Variants in ZNF804B observed in about 807,000 individuals in gnomAD.
ZNF804B encodes zinc finger 804B.
Under a neutral mutation model 101.4 loss-of-function variants are expected in ZNF804B, and 80 were observed. That is an observed-to-expected ratio of 0.79 (90% confidence interval 0.66 to 0.95). The LOEUF is 0.95. Among genes scored for constraint, ZNF804B ranks in the 40% least tolerant of loss-of-function variants. The pLI is 0.00. For missense variants in ZNF804B, 1,673 were observed against 1,561.9 expected (o/e 1.07, Z -1.20); for synonymous variants, 622 against 558.8 (o/e 1.11, Z -1.59).
intron 1 of ZNF804B, among the ~76,000 whole-genome samples, chr7:89,138,833 C>T (rs1438306430): frequency 1.3e-5 from 2 of 152,070 alleles, no homozygotes; most frequent in Non-Finnish European, 2.9e-5. Flanking sequence ...TGCTGCCATT[C>T]ATGTGAGACA....
intron 1 of ZNF804B, among the ~76,000 whole-genome samples, chr7:88,817,060 T>C (rs1262531065): frequency 6.6e-5 from 10 of 151,956 alleles, no homozygotes; most frequent in Non-Finnish European, 1.3e-4. Flanking sequence ...CCATAAAAAA[T>C]GATGAGTTCA....
intron 2 of ZNF804B, among the ~76,000 whole-genome samples, chr7:89,261,911 T>A (rs1422126258): frequency 1.3e-5 from 2 of 152,208 alleles, no homozygotes; most frequent in African/African-American, 4.8e-5. Flanking sequence ...TATAGCTTAG[T>A]CATTTGAATC....
chr7:89,326,551 TTAAA>T (rs1346969661), intron 2 of ZNF804B, among the ~76,000 whole-genome samples: 1 of 152,080 alleles, frequency 6.6e-6, no homozygotes, highest in African/African-American at 2.4e-5. Context: ...AGGATAATCT[TTAAA>T]TACACTTCCA....
intron 1 of ZNF804B, among the ~76,000 whole-genome samples, chr7:88,959,386 C>T (rs755684227): frequency 2.6e-5 from 4 of 151,254 alleles, no homozygotes; most frequent in Non-Finnish European, 5.9e-5. Flanking sequence ...TTAACTAGCT[C>T]CAAGACATTA....
At chr7:88,787,108 A>G (rs890108773) in intron 1 of ZNF804B, among the ~76,000 whole-genome samples, 2 of 152,152 alleles carry the variant, frequency 1.3e-5, no homozygotes, top group Non-Finnish European at 2.9e-5. Flanking sequence ...GATAGAAGCA[A>G]AGAGCATGGA....
At chr7:89,041,862 A>G (rs1789021854) in intron 1 of ZNF804B, among the ~76,000 whole-genome samples, 1 of 152,130 alleles carries the variant, frequency 6.6e-6, no homozygotes, top group Non-Finnish European at 1.5e-5. Context: ...TTGTGAAGGT[A>G]TTTTTATCCA....
intron 2 of ZNF804B, among the ~76,000 whole-genome samples, chr7:89,318,638 C>G (rs1790766142): frequency 6.6e-6 from 1 of 152,182 alleles, no homozygotes; most frequent in African/African-American, 2.4e-5. Context: ...TGGCGAGCAC[C>G]TGTAATCCCA....
intron 1 of ZNF804B, among the ~76,000 whole-genome samples, chr7:89,204,393 C>T (rs748168134): frequency 6.6e-6 from 1 of 152,156 alleles, no homozygotes; most frequent in Non-Finnish European, 1.5e-5. Flanking sequence ...ATAAATGGAA[C>T]AGCATTGTGA....
chr7:88,824,495 A>G (rs1791027550), intron 1 of ZNF804B, among the ~76,000 whole-genome samples: 1 of 152,174 alleles, frequency 6.6e-6, no homozygotes, highest in African/African-American at 2.4e-5. Flanking sequence ...TTTGTGAGTT[A>G]TCCAGTCTCA....
chr7:88,888,099 T>A (rs1243527836), intron 1 of ZNF804B, among the ~76,000 whole-genome samples: 3 of 152,084 alleles, frequency 2.0e-5, no homozygotes, highest in Admixed American at 6.6e-5. Context: ...ATTTTAAAAA[T>A]TTAGTTTTAT....
rs201937707 is a variant in ZNF804B, at chr7:88,886,842, A to G, written c.108+126758A>G. On this transcript the variant is annotated intron_variant, in intron 1 of 3. Transcript: ENST00000333190. ...TCAAAACATTTTTCATATCTAGTAT[A>G]TTGTAATTGCTTATAGTTGTTCTTT... Among the ~76,000 whole-genome samples the G allele has an allele frequency of 1.2e-3, 188 of 150,804 alleles. 3 individuals carry two copies. Among genetic ancestry groups the G allele is most frequent in the Middle Eastern group, 6.9e-3 (2 of 290 alleles).
At chr7:89,255,116 C>G (rs1168853028) in intron 2 of ZNF804B, among the ~76,000 whole-genome samples, 1 of 152,178 alleles carries the variant, frequency 6.6e-6, no homozygotes, top group Non-Finnish European at 1.5e-5. Flanking sequence ...AGGAAACTTA[C>G]AGTCATGGAG....
chr7:88,840,120 A>G (rs1171845245), intron 1 of ZNF804B, among the ~76,000 whole-genome samples: 1 of 152,124 alleles, frequency 6.6e-6, no homozygotes, highest in Non-Finnish European at 1.5e-5. Flanking sequence ...ATTTTAGGAG[A>G]AAAATGTTCC....
intron 2 of ZNF804B, among the ~76,000 whole-genome samples, chr7:89,324,357 T>C (rs1790866295): frequency 6.6e-6 from 1 of 151,912 alleles, no homozygotes; most frequent in South Asian, 2.1e-4. Flanking sequence ...CCCCTAGCTT[T>C]CTTTTGACAA....
intron 1 of ZNF804B, among the ~76,000 whole-genome samples, chr7:88,971,895 T>G (rs2116113319): frequency 6.6e-6 from 1 of 151,648 alleles, no homozygotes; most frequent in African/African-American, 2.4e-5. Flanking sequence ...TGGAAGAGAT[T>G]AAGTAGGACT....
chr7:89,062,349 T>G (rs1789393616), intron 1 of ZNF804B, among the ~76,000 whole-genome samples: 3 of 151,996 alleles, frequency 2.0e-5, no homozygotes, highest in Admixed American at 1.3e-4. Context: ...GTTAACTCCC[T>G]TCACACCCCA....
chr7:89,330,845 T>C (rs1484394329), intron 3 of ZNF804B, among the ~76,000 whole-genome samples: 1 of 151,042 alleles, frequency 6.6e-6, no homozygotes, highest in Non-Finnish European at 1.5e-5. Context: ...TTTTAAAATA[T>C]TTAAAAGAAT....
rs1309255302 is a variant in ZNF804B at position 89,035,405 on chromosome 7, T to C, written c.109-182750T>C. On this transcript the variant is annotated intron_variant, in intron 1 of 3. Coordinates refer to ENST00000333190, the MANE Select transcript of ZNF804B (RefSeq NM_181646.5). ...GATTTTTTGTCACAGGAGCCAATTGTGTTATTAGAATAAGAAAATGGTGTA... is the reference window on the plus strand; with the variant it reads ...GATTTTTTGTCACAGGAGCCAATTGCGTTATTAGAATAAGAAAATGGTGTA... Among the ~76,000 whole-genome samples, 3 of 144,078 alleles carry C rather than the reference T, an allele frequency of 2.1e-5. 1 individual carries two copies. Among genetic ancestry groups the C allele is most frequent in the East Asian group, 4.5e-4 (2 of 4,406 alleles). 94.5% of individuals were successfully genotyped at this position (144,078 alleles called of 152,430 possible).
At chr7:88,769,083 C>T (rs72615104) in intron 1 of ZNF804B, among the ~76,000 whole-genome samples, 5,562 of 152,180 alleles carry the variant, frequency 0.037, 294 homozygotes, top group East Asian at 0.28. Context: ...TGCGTATATA[C>T]ACCTGATGTT....
Sources: allele counts gnomAD v4.1 joint callset (sites outside exome capture counted in the v4.1 genomes callset), GRCh38; gene constraint gnomAD v4.1.1; transcripts MANE v1.5; gene names NCBI Gene and HGNC (gene_info 2026-07-23, HGNC 2026-07-21).